NMU: variants seen among roughly 807,000 people sequenced by gnomAD.
NMU encodes the protein neuromedin U.
In NMU, 29 loss-of-function variants were observed where a neutral mutation model predicts 35.4. The ratio of observed to expected loss-of-function variants is 0.82; its 90% CI spans 0.61 to 1.12. The LOEUF is 1.12. Among genes scored for constraint, NMU ranks in the 50% most tolerant of loss-of-function variants. The probability of loss-of-function intolerance (pLI) is 0.00; values close to 1 mark genes in which losing one functional copy is unlikely to be tolerated. For synonymous variants in NMU, 78 were observed against 81.3 expected (o/e 0.96, Z 0.22); for missense variants, 199 against 206.2 (o/e 0.97, Z 0.21).
chr4:55,595,663 CAG>C (rs1733154743), intron 9 of NMU, among the ~76,000 whole-genome samples: 1 of 115,694 alleles, frequency 8.6e-6, no homozygotes, highest in Non-Finnish European at 1.8e-5. Context: ...TTTTTTGAGA[CAG>C]AGTCTTGCTC....
At position 55,599,164 on chromosome 4, in the gene NMU, CCTT is replaced by C. The variant is rs1209724795; in HGVS notation, c.504_506del (p.Arg169del). On this transcript the variant is annotated inframe_deletion, in exon 9 of 10. Transcript: ENST00000264218. The stretch of plus-strand genomic sequence containing the variant: ...TACCATTTTAAATGAACCCTGCTGA[CCTT>C]CTTCCATTCCGTGGCTGAAAAATAA... 39 of 1,606,542 alleles carry C rather than the reference CCTT, an allele frequency of 2.4e-5. No individual in the cohort carries two copies. Among genetic ancestry groups the C allele is most frequent in the Non-Finnish European group, 3.1e-5 (36 of 1,173,438 alleles).
At chr4:55,625,565 CG>C (rs1335770133) in intron 2 of NMU, among the ~76,000 whole-genome samples, 5 of 152,046 alleles carry the variant, frequency 3.3e-5, no homozygotes, top group Non-Finnish European at 7.4e-5. Context: ...TATTTTGTTG[CG>C]GGTGACCTAG....
At chr4:55,607,053 T>C (rs755339311) in intron 6 of NMU, among the ~76,000 whole-genome samples, 7 of 152,192 alleles carry the variant, frequency 4.6e-5, no homozygotes, top group Non-Finnish European at 8.8e-5. Flanking sequence ...GCACATAGCA[T>C]ATAGCTAATA....
At chr4:55,613,269 T>C (rs1734004438) in intron 3 of NMU, among the ~76,000 whole-genome samples, 1 of 152,032 alleles carries the variant, frequency 6.6e-6, no homozygotes, top group African/African-American at 2.4e-5. Context: ...TTTAACTACA[T>C]AACAAATCTG....
intron 9 of NMU, among the ~76,000 whole-genome samples, chr4:55,598,089 G>GTTTTTTT (rs10588154): frequency 2.0e-4 from 17 of 85,404 alleles, no homozygotes; most frequent in South Asian, 5.0e-4. Context: ...TTTGGTTGTG[G>GTTTTTTT]TTTTTTTTTT....
At chr4:55,609,246 C>G in intron 3 of NMU, 67 bp from the exon 4 acceptor site, 1 of 1,234,404 alleles carries the variant, frequency 8.1e-7, no homozygotes, top group Non-Finnish European at 1.2e-6. Context: ...GAAGAGGTAA[C>G]TACAAAATGT....
In NMU at chr4:55,636,060, C is replaced by A; in HGVS notation, c.112+21G>T. On this transcript the variant is annotated intron_variant, in intron 1 of 9. Coordinates refer to ENST00000264218, the MANE Select transcript of NMU (RefSeq NM_006681.4). The surrounding 1 kb of genome is among the most constrained non-coding windows in gnomAD (Gnocchi z 4.0). ...AGAGGCGCGCATGGCGTGGAAGCGG[C>A]CGGGTGCGGGGCCGTCTTACCTCGG... 6.5e-7 allele frequency: 1 copy of A among 1,531,648 alleles called. No homozygotes were observed. Among genetic ancestry groups the A allele is most frequent in the Non-Finnish European group, 8.7e-7 (1 of 1,145,580 alleles). The allele number at this position is 1,531,648 out of a possible 1,614,324, so 94.9% of individuals were successfully genotyped here.
At position 55,609,168 on chromosome 4, in the gene NMU, T is replaced by C. The variant is rs139260903; in HGVS notation, c.231A>G (p.Ala77=). Reference sequence around the variant, plus strand: ...TAATCATAAAGCAAAGCTCCTCCAGTGCGTTGGATGCCTAACAGAAATGAG... The same window carrying C: ...TAATCATAAAGCAAAGCTCCTCCAGCGCGTTGGATGCCTAACAGAAATGAG... ...SIDSQPQASN[A]LEELCFMIMG... is the part of the protein sequence containing the mutation. Residue 77 remains alanine (A), a synonymous_variant, in exon 4 of 10, where the codon GCA becomes GCG. Coordinates refer to ENST00000264218, the MANE Select transcript of NMU (RefSeq NM_006681.4). The C allele has an allele frequency of 3.7e-6, 6 of 1,612,032 alleles. No individual in the cohort carries two copies. The East Asian group carries it at 6.7e-5, about 18-fold the overall frequency.
chr4:55,629,289 T>C (rs1734665719), intron 2 of NMU, among the ~76,000 whole-genome samples: 1 of 151,892 alleles, frequency 6.6e-6, no homozygotes, highest in Non-Finnish European at 1.5e-5. Context: ...TTTCCTGAAA[T>C]GGGGTTTCAC....
chr4:55,605,776 A>G (rs1733660781), intron 6 of NMU, among the ~76,000 whole-genome samples: 1 of 152,250 alleles, frequency 6.6e-6, no homozygotes, highest in African/African-American at 2.4e-5. Context: ...AGATTATACT[A>G]TACACACATC....
chr4:55,628,211 C>G (rs1734610124), intron 2 of NMU, among the ~76,000 whole-genome samples: 2 of 152,148 alleles, frequency 1.3e-5, no homozygotes, highest in Non-Finnish European at 2.9e-5. Flanking sequence ...TACAATTCAC[C>G]CATTTAAAGT....
At chr4:55,605,714 C>A (rs759376201) in intron 6 of NMU, among the ~76,000 whole-genome samples, 1 of 152,124 alleles carries the variant, frequency 6.6e-6, no homozygotes, top group Non-Finnish European at 1.5e-5. Flanking sequence ...TCGGACCAGG[C>A]GAAACCCACA....
intron 1 of NMU, among the ~76,000 whole-genome samples, chr4:55,632,650 C>G (rs184759659): frequency 2.6e-4 from 40 of 152,300 alleles, no homozygotes; most frequent in Non-Finnish European, 5.1e-4. Context: ...TCTCAAATTT[C>G]CATATAAAAC....
chr4:55,634,599 G>T (rs1715800975), intron 1 of NMU, among the ~76,000 whole-genome samples: 3 of 152,132 alleles, frequency 2.0e-5, no homozygotes, highest in African/African-American at 7.2e-5. Flanking sequence ...TTCACTGCAA[G>T]CATATAGCAT....
chr4:55,607,372 T>C lies in NMU; in HGVS notation c.310-24A>G, dbSNP rs767321678. 26 of 1,534,574 alleles carry C rather than the reference T, an allele frequency of 1.7e-5. No homozygotes were observed. The Admixed American group carries it at 4.0e-4, about 24-fold the overall frequency. ...AACTGTTTAAAAAAAGCAGTAAGTTTTACTATAAAAATTAATGGTTCCCTT... is the reference window on the plus strand; with the variant it reads ...AACTGTTTAAAAAAAGCAGTAAGTTCTACTATAAAAATTAATGGTTCCCTT... On this transcript the variant is annotated intron_variant, in intron 5 of 9. Coordinates refer to ENST00000264218, the MANE Select transcript of NMU (RefSeq NM_006681.4).
chr4:55,596,715 A>G (rs1733194462), intron 9 of NMU, among the ~76,000 whole-genome samples: 1 of 152,186 alleles, frequency 6.6e-6, no homozygotes. Context: ...TGAGCACATT[A>G]AATTTTTCCT....
rs755203914 is a variant in NMU at position 55,595,563 on chromosome 4, T to TATATATACACAC, written c.*5-153_*5-152insGTGTGTATATAT. On this transcript the variant is annotated intron_variant, in intron 9 of 9. Transcript: ENST00000264218. ...AGCTGTATATATATATATATATATA[T>TATATATACACAC]ACACACACACACACACACACATGCA... Among the ~76,000 whole-genome samples the TATATATACACAC allele has an allele frequency of 2.9e-3, 344 of 120,048 alleles. 1 individual carries two copies. Among genetic ancestry groups the TATATATACACAC allele is most frequent in the East Asian group, 0.01 (36 of 3,490 alleles). 78.8% of individuals were successfully genotyped at this position (120,048 alleles called of 152,430 possible).
chr4:55,630,521 C>A, intron 1 of NMU, 61 bp from the exon 2 acceptor site: 1 of 1,263,244 alleles, frequency 7.9e-7, no homozygotes, highest in Non-Finnish European at 1.2e-6. Flanking sequence ...ATTAAATATC[C>A]ATATATAATT....
intron 1 of NMU, among the ~76,000 whole-genome samples, chr4:55,631,379 A>G (rs113337264): frequency 6.6e-6 from 1 of 152,334 alleles, no homozygotes; most frequent in African/African-American, 2.4e-5. Flanking sequence ...TTAGCAGAGT[A>G]AACAGACAAC....
Sources: allele counts gnomAD v4.1 joint callset (sites outside exome capture counted in the v4.1 genomes callset), GRCh38; gene constraint gnomAD v4.1.1; non-coding constraint Gnocchi (gnomAD v3.1); transcripts MANE v1.5; gene names NCBI Gene and HGNC (gene_info 2026-07-23, HGNC 2026-07-21).